The following B3GALT1 variants were observed in gnomAD, a reference collection of about 807,000 sequenced individuals.
The protein encoded by B3GALT1 is UDP-Gal:betaGlcNAc beta 1,3-galactosyltransferase, polypeptide 1.
Under a neutral mutation model 23.2 loss-of-function variants are expected in B3GALT1, and 10 were observed. The ratio of observed to expected loss-of-function variants is 0.43; its 90% CI spans 0.27 to 0.73. The LOEUF (loss-of-function observed/expected upper bound fraction) is 0.73, where lower values mean the gene tolerates loss of function less well. B3GALT1 is among the 30% of genes least tolerant of loss of function. The pLI, the probability that B3GALT1 is intolerant of heterozygous loss-of-function variation, is 0.21. For missense variants in B3GALT1, 299 were observed against 405.4 expected, an observed-to-expected ratio of 0.74 and a Z score of 2.25; for synonymous variants, 156 against 141.5, an observed-to-expected ratio of 1.10 and a Z score of -0.73.
intron 1 of B3GALT1, among the ~76,000 whole-genome samples, chr2:167,338,317 A>G (rs1523879): frequency 0.11 from 17,410 of 152,226 alleles, 1,256 homozygotes; most frequent in East Asian, 0.34. Flanking sequence ...TTTGTGGTGC[A>G]AATGTATTAA....
intron 3 of B3GALT1, among the ~76,000 whole-genome samples, chr2:167,750,493 T>C (rs1463572451): frequency 1.3e-5 from 2 of 152,206 alleles, no homozygotes; most frequent in African/African-American, 2.4e-5. Context: ...TTTGTGTTTA[T>C]TTCTTTCACA....
intron 2 of B3GALT1, among the ~76,000 whole-genome samples, chr2:167,607,524 C>T (rs188102684): frequency 7.2e-5 from 11 of 152,082 alleles, no homozygotes; most frequent in South Asian, 2.1e-4. Context: ...TGAGTGTGTG[C>T]GTGTGTGTGT....
At chr2:167,853,844 T>C (rs1559003833) in intron 4 of B3GALT1, among the ~76,000 whole-genome samples, 1 of 152,138 alleles carries the variant, frequency 6.6e-6, no homozygotes. Context: ...TTCAGTTAAT[T>C]CACCTAGGGG....
intron 1 of B3GALT1, among the ~76,000 whole-genome samples, chr2:167,407,274 TA>T (rs1644839302): frequency 6.6e-6 from 1 of 151,884 alleles, no homozygotes. Context: ...AGAAGGAAAT[TA>T]AAAAATTATT....
At chr2:167,785,407 T>G (rs762643158) in intron 3 of B3GALT1, among the ~76,000 whole-genome samples, 1 of 152,120 alleles carries the variant, frequency 6.6e-6, no homozygotes, top group Non-Finnish European at 1.5e-5. Flanking sequence ...TTTATTCTCC[T>G]TAGTATTTGT....
chr2:167,829,120 G>A (rs1337968246), intron 4 of B3GALT1, among the ~76,000 whole-genome samples: 1 of 152,160 alleles, frequency 6.6e-6, no homozygotes, highest in East Asian at 1.9e-4. Context: ...GTTAATAACT[G>A]TCTCTTACTG....
intron 2 of B3GALT1, among the ~76,000 whole-genome samples, chr2:167,500,096 A>G (rs1260910219): frequency 6.6e-6 from 1 of 152,062 alleles, no homozygotes; most frequent in East Asian, 1.9e-4. Context: ...TTTTCTGAGA[A>G]AAACATCCAG....
intron 3 of B3GALT1, among the ~76,000 whole-genome samples, chr2:167,651,427 CTATA>C (rs1393429668): frequency 2.0e-5 from 3 of 152,134 alleles, no homozygotes; most frequent in African/African-American, 7.2e-5. Context: ...GTTACTTTCC[CTATA>C]TATTCATTAC....
chr2:167,671,373 G>T (rs1686323034), intron 3 of B3GALT1, among the ~76,000 whole-genome samples: 1 of 152,068 alleles, frequency 6.6e-6, no homozygotes, highest in African/African-American at 2.4e-5. Flanking sequence ...ATTGTCAAGT[G>T]CAAAGAGAAT....
At chr2:167,378,899 A>G (rs1697802496) in intron 1 of B3GALT1, among the ~76,000 whole-genome samples, 1 of 152,156 alleles carries the variant, frequency 6.6e-6, no homozygotes, top group African/African-American at 2.4e-5. Flanking sequence ...AGATTTTTCA[A>G]GGTGCCAAAA....
chr2:167,763,690 G>GAAAAAAAAA (rs35567239), intron 3 of B3GALT1, among the ~76,000 whole-genome samples: 2 of 82,076 alleles, frequency 2.4e-5, no homozygotes, highest in African/African-American at 1.1e-4. Flanking sequence ...GACTCTGTCA[G>GAAAAAAAAA]AAAAAAAAAA....
rs2105418198 is a variant in B3GALT1, at chr2:167,594,177, C to T, written c.-409-52732C>T. On this transcript the variant is annotated intron_variant, in intron 2 of 4. Transcript: ENST00000392690. ...GTTATCTCGAGTGGAGGTAGTTTTGCTGTGGGAGGCTACGTAGTGTAGATG... is the reference window on the plus strand; with the variant it reads ...GTTATCTCGAGTGGAGGTAGTTTTGTTGTGGGAGGCTACGTAGTGTAGATG... 1.3e-5 allele frequency among the ~76,000 whole-genome samples: 2 copies of T among 152,226 alleles called. 1 individual carries two copies. Among genetic ancestry groups the T allele is most frequent in the South Asian group, 4.2e-4 (2 of 4,808 alleles).
intron 4 of B3GALT1, among the ~76,000 whole-genome samples, chr2:167,863,807 G>C (rs564736596): frequency 3.3e-4 from 50 of 152,042 alleles, no homozygotes; most frequent in African/African-American, 1.2e-3. Context: ...CACTCTTTAG[G>C]TTTTCAGCAA....
chr2:167,580,407 G>GA (rs1435348584), intron 2 of B3GALT1, among the ~76,000 whole-genome samples: 6 of 151,678 alleles, frequency 4.0e-5, no homozygotes, highest in South Asian at 2.1e-4. Context: ...CTTTTTCTTG[G>GA]AAAAAAGGCC....
chr2:167,391,578 G>A (rs1698014866), intron 1 of B3GALT1, among the ~76,000 whole-genome samples: 3 of 152,168 alleles, frequency 2.0e-5, no homozygotes, highest in South Asian at 4.1e-4. Context: ...AAAGCTCCAT[G>A]TAGATTTACC....
chr2:167,772,217 A>T (rs1178471457), intron 3 of B3GALT1, among the ~76,000 whole-genome samples: 1 of 152,186 alleles, frequency 6.6e-6, no homozygotes, highest in Non-Finnish European at 1.5e-5. Flanking sequence ...TAATGTCTTG[A>T]GGTACTCTTA....
chr2:167,834,512 T>C (rs986119946), intron 4 of B3GALT1, among the ~76,000 whole-genome samples: 12 of 152,228 alleles, frequency 7.9e-5, no homozygotes, highest in African/African-American at 2.9e-4. Context: ...CTAGGTTAGA[T>C]TCTGCTGGCT....
At chr2:167,741,124 G>A (rs1225909658) in intron 3 of B3GALT1, among the ~76,000 whole-genome samples, 1 of 152,126 alleles carries the variant, frequency 6.6e-6, no homozygotes, top group East Asian at 1.9e-4. Context: ...TGTAGCCTCT[G>A]GTGTTGTTGG....
chr2:167,818,321 GAGCAGT>G (rs771455680), intron 3 of B3GALT1, among the ~76,000 whole-genome samples: 30 of 152,162 alleles, frequency 2.0e-4, no homozygotes, highest in Admixed American at 5.9e-4. Context: ...AACTAGACCT[GAGCAGT>G]AGCTGCCCCT....
Sources: gnomAD v4.1 joint callset for allele counts (sites outside exome capture counted in the v4.1 genomes callset) on GRCh38, gnomAD v4.1.1 for gene constraint, MANE v1.5 for transcripts, NCBI Gene and HGNC (gene_info 2026-07-23, HGNC 2026-07-21) for gene names.